Variants in PDE7B observed in about 807,000 individuals in gnomAD.
The protein encoded by PDE7B is 3',5'-cyclic-AMP phosphodiesterase 7B.
A neutral mutation model predicts 56.2 loss-of-function variants in PDE7B; 29 were observed. That is an observed-to-expected ratio of 0.52 (90% CI 0.38 to 0.70). The LOEUF (loss-of-function observed/expected upper bound fraction) is 0.70, where lower values mean the gene tolerates loss of function less well. PDE7B is among the 30% of genes least tolerant of loss of function. PDE7B has a pLI of 0.00. For missense variants in PDE7B, 490 were observed against 565.0 expected, an observed-to-expected ratio of 0.87 and a Z score of 1.35; for synonymous variants, 197 against 196.9, an observed-to-expected ratio of 1.00 and a Z score of 0.00.
At chr6:136,183,721 T>G (rs1779104705) in intron 11 of PDE7B, among the ~76,000 whole-genome samples, 1 of 152,202 alleles carries the variant, frequency 6.6e-6, no homozygotes, top group South Asian at 2.1e-4. Flanking sequence ...CATTTTGATT[T>G]ATCTTTCAGT....
chr6:135,890,662 G>C (rs1775795113), intron 1 of PDE7B, among the ~76,000 whole-genome samples: 1 of 152,174 alleles, frequency 6.6e-6, no homozygotes, highest in South Asian at 2.1e-4. Flanking sequence ...AATGTGGCAA[G>C]AGATCAAAAG....
intron 3 of PDE7B, among the ~76,000 whole-genome samples, chr6:136,125,631 T>A (rs1778011028): frequency 6.6e-6 from 1 of 152,102 alleles, no homozygotes; most frequent in African/African-American, 2.4e-5. Flanking sequence ...TTTATTTGAT[T>A]TTTTAAAAAA....
intron 1 of PDE7B, among the ~76,000 whole-genome samples, chr6:135,916,056 T>C (rs938417311): frequency 5.3e-5 from 8 of 152,122 alleles, no homozygotes; most frequent in African/African-American, 1.7e-4. Context: ...TTATTTCTCT[T>C]GAATAAGTAG....
chr6:136,171,083 A>G (rs930194206), intron 8 of PDE7B, among the ~76,000 whole-genome samples: 7 of 152,192 alleles, frequency 4.6e-5, no homozygotes, highest in African/African-American at 1.7e-4. Flanking sequence ...TTCTGTATCT[A>G]TGAAGTCAAT....
At chr6:135,932,465 TA>T (rs143700427) in intron 1 of PDE7B, among the ~76,000 whole-genome samples, 38,517 of 151,518 alleles carry the variant, frequency 0.25, 6,137 homozygotes, top group East Asian at 0.44. Context: ...AAAATAAGTT[TA>T]AAAAAAAATC....
intron 8 of PDE7B, among the ~76,000 whole-genome samples, chr6:136,157,208 T>C (rs1778623518): frequency 1.3e-5 from 2 of 152,316 alleles, no homozygotes; most frequent in Admixed American, 6.5e-5. Context: ...GAAATTCATA[T>C]TGATCACCTA....
At chr6:136,012,175 G>A (rs1775906869) in intron 2 of PDE7B, among the ~76,000 whole-genome samples, 1 of 151,936 alleles carries the variant, frequency 6.6e-6, no homozygotes, top group South Asian at 2.1e-4. Context: ...CTGCCTACAA[G>A]CTCCCTTCCC....
chr6:136,033,274 A>G (rs1163334405), intron 2 of PDE7B, among the ~76,000 whole-genome samples: 1 of 152,214 alleles, frequency 6.6e-6, no homozygotes, highest in Non-Finnish European at 1.5e-5. Context: ...TTTTTGGAAA[A>G]TTCACAGAGA....
rs552336091 is a variant in PDE7B at position 135,856,410 on chromosome 6, C to T, written c.21+4391C>T. 9.2e-5 allele frequency among the ~76,000 whole-genome samples: 14 copies of T among 152,332 alleles called. No individual in the cohort carries two copies. In the South Asian group the frequency reaches 2.7e-3, roughly 29 times the overall value. The stretch of plus-strand genomic sequence containing the variant: ...CTGTCCTGGATTTTCTATATTACTT[C>T]ACTTAATATCTTCTCAATATTAATT... On this transcript the variant is annotated intron_variant, in intron 1 of 12. Coordinates refer to ENST00000308191, the MANE Select transcript of PDE7B (RefSeq NM_018945.4).
At chr6:135,889,441 T>TTA (rs1775768818) in intron 1 of PDE7B, among the ~76,000 whole-genome samples, 1 of 80,134 alleles carries the variant, frequency 1.2e-5, no homozygotes, top group African/African-American at 1.5e-4. Context: ...GTGCTACCAA[T>TTA]TTTTTTTTTT....
In PDE7B at chr6:135,955,465, A is replaced by C. The variant is rs1774775654; in HGVS notation, c.82+7941A>C. ...GGCAGCTTAATGTGACCAATTAAAA[A>C]CTGTAAGAAAGTCTTTATGCCTGGA... On this transcript the variant is annotated intron_variant, in intron 2 of 12. Coordinates refer to ENST00000308191, the MANE Select transcript of PDE7B (RefSeq NM_018945.4). Among the ~76,000 whole-genome samples, 3 of 152,138 alleles carry C rather than the reference A, an allele frequency of 2.0e-5. No individual in the cohort carries two copies. In the South Asian group the frequency reaches 6.2e-4, roughly 32 times the overall value.
intron 1 of PDE7B, among the ~76,000 whole-genome samples, chr6:135,853,222 T>G (rs1346839607): frequency 6.6e-6 from 1 of 152,218 alleles, no homozygotes; most frequent in East Asian, 1.9e-4. Context: ...CTGAAAGCTT[T>G]AAAACTGGGT....
intron 1 of PDE7B, among the ~76,000 whole-genome samples, chr6:135,861,721 A>T (rs9376157): frequency 0.13 from 19,307 of 151,660 alleles, 1,837 homozygotes; most frequent in African/African-American, 0.26. Context: ...ATTTGGGAAG[A>T]CTGGCATCTT....
rs1226995919 is a variant in PDE7B, at chr6:135,947,516, G to T, written c.74G>T (p.Cys25Phe). The stretch of plus-strand genomic sequence containing the variant: ...CCCGATCAGAATGCCAAATGTGTTT[G>T]CATGCTGGGTAAGAAGGCTTCTCAT... ...ENPDQNAKCV[C>F]MLGDIRLRGQ... Residue 25 changes from cysteine to phenylalanine, a missense_variant, in exon 2 of 13, where the codon TGC becomes TTC. Cys to Phe is a radical substitution (Grantham distance 205). Transcript: ENST00000308191. 1.9e-6 allele frequency: 3 copies of T among 1,609,890 alleles called. 1 individual carries two copies. Among genetic ancestry groups the T allele is most frequent in the South Asian group, 2.2e-5 (2 of 90,962 alleles).
chr6:136,163,362 C>T (rs932845090), intron 8 of PDE7B, among the ~76,000 whole-genome samples: 9 of 152,338 alleles, frequency 5.9e-5, no homozygotes, highest in Non-Finnish European at 1.2e-4. Context: ...TACACTTTGG[C>T]CCCTTTTAGC....
intron 1 of PDE7B, among the ~76,000 whole-genome samples, chr6:135,909,620 T>A (rs1287764314): frequency 6.8e-5 from 5 of 73,912 alleles, no homozygotes; most frequent in Non-Finnish European, 1.9e-4. Context: ...AATAAATAAA[T>A]AATAAATAAA....
At chr6:136,079,512 G>T (rs1777173647) in intron 2 of PDE7B, among the ~76,000 whole-genome samples, 1 of 152,106 alleles carries the variant, frequency 6.6e-6, no homozygotes, top group Admixed American at 6.6e-5. Flanking sequence ...AATACAGAAT[G>T]GTTTCATCAT....
At chr6:136,159,348 T>G (rs1778665177) in intron 8 of PDE7B, among the ~76,000 whole-genome samples, 1 of 152,110 alleles carries the variant, frequency 6.6e-6, no homozygotes, top group African/African-American at 2.4e-5. Context: ...AAAAGGAGCC[T>G]CAAATTTGAC....
chr6:135,867,106 C>A (rs1209902232), intron 1 of PDE7B, among the ~76,000 whole-genome samples: 1 of 152,008 alleles, frequency 6.6e-6, no homozygotes, highest in African/African-American at 2.4e-5. Context: ...AGCCTAGAGT[C>A]CAATCATTAA....
Sources: allele counts gnomAD v4.1 joint callset (sites outside exome capture counted in the v4.1 genomes callset), GRCh38; gene constraint gnomAD v4.1.1; transcripts MANE v1.5; gene names NCBI Gene and HGNC (gene_info 2026-07-23, HGNC 2026-07-21).